The following ZNF710 variants were observed in gnomAD, a reference collection of about 807,000 sequenced individuals.
The protein encoded by ZNF710 is zinc finger protein 710.
A neutral mutation model predicts 50.6 loss-of-function variants in ZNF710; 13 were observed. The ratio of observed to expected loss-of-function variants is 0.26; its 90% confidence interval spans 0.17 to 0.41. The LOEUF is 0.41. ZNF710 is among the 10% of genes least tolerant of loss of function. The pLI, the probability that ZNF710 is intolerant of heterozygous loss-of-function variation, is 1.00. For missense variants in ZNF710, 721 were observed against 936.6 expected (o/e 0.77, Z 3.01); for synonymous variants, 383 against 397.0 (o/e 0.96, Z 0.42).
intron 1 of ZNF710, among the ~76,000 whole-genome samples, chr15:90,031,070 GAT>G (rs1898935693): frequency 6.8e-6 from 1 of 146,268 alleles, no homozygotes; most frequent in Non-Finnish European, 1.5e-5. Flanking sequence ...GTAACAAATG[GAT>G]ACCAACAAAT....
intron 1 of ZNF710, among the ~76,000 whole-genome samples, chr15:90,016,211 G>A (rs935077943): frequency 6.6e-6 from 1 of 152,066 alleles, no homozygotes; most frequent in Non-Finnish European, 1.5e-5. Context: ...GCGGAGGTGG[G>A]GAAGAAGTCT....
upstream of ZNF710, among the ~76,000 whole-genome samples, chr15:89,999,104 G>T (rs188653819): frequency 6.6e-6 from 1 of 152,158 alleles, no homozygotes; most frequent in Admixed American, 6.5e-5. Flanking sequence ...TGGGGCCTTT[G>T]GACAGACTGT....
intron 1 of ZNF710, among the ~76,000 whole-genome samples, chr15:90,014,578 A>G (rs1898400211): frequency 6.6e-6 from 1 of 152,068 alleles, no homozygotes; most frequent in Non-Finnish European, 1.5e-5. Flanking sequence ...ATGGCCATCT[A>G]AAAAACGAAC....
At chr15:90,078,356 A>G (rs1900643684) in intron 4 of ZNF710, among the ~76,000 whole-genome samples, 1 of 152,216 alleles carries the variant, frequency 6.6e-6, no homozygotes, top group Non-Finnish European at 1.5e-5. Flanking sequence ...CATGGTCACA[A>G]GATGGCTGCC....
intron 1 of ZNF710, among the ~76,000 whole-genome samples, chr15:90,036,237 C>A (rs1381256231): frequency 3.2e-5 from 4 of 125,630 alleles, no homozygotes; most frequent in Non-Finnish European, 6.5e-5. Flanking sequence ...GCCGCCCGCC[C>A]CCCACCCCCT....
chr15:90,000,091 C>T (rs138220250), upstream of ZNF710, among the ~76,000 whole-genome samples: 86 of 152,210 alleles, frequency 5.7e-4, no homozygotes, highest in African/African-American at 1.9e-3. Context: ...GGCCCGGCAT[C>T]CAGCAGGTGC....
intron 2 of ZNF710, among the ~76,000 whole-genome samples, chr15:90,072,790 C>A (rs1413601085): frequency 6.6e-6 from 1 of 152,170 alleles, no homozygotes; most frequent in African/African-American, 2.4e-5. Context: ...ATGTACACAT[C>A]CACCCTGGGG....
At chr15:90,031,407 A>T (rs1418209348) in intron 1 of ZNF710, among the ~76,000 whole-genome samples, 1 of 152,198 alleles carries the variant, frequency 6.6e-6, no homozygotes, top group African/African-American at 2.4e-5. Flanking sequence ...CAGAATCTGC[A>T]TTTTAGCAAG....
intron 1 of ZNF710, chr15:90,024,909 C>T (rs1898730378): frequency 6.6e-6 from 1 of 152,234 alleles, no homozygotes; most frequent in African/African-American, 2.4e-5. Flanking sequence ...GCCAGAGTTC[C>T]TCTGAATTCA....
intron 1 of ZNF710, among the ~76,000 whole-genome samples, chr15:90,027,372 G>A (rs959662467): frequency 2.0e-5 from 3 of 151,986 alleles, no homozygotes; most frequent in Admixed American, 2.0e-4. Flanking sequence ...CACCAACCCG[G>A]CTAATTCTTG....
chr15:90,031,293 C>T (rs1235356928), intron 1 of ZNF710, among the ~76,000 whole-genome samples: 1 of 152,138 alleles, frequency 6.6e-6, no homozygotes, highest in Non-Finnish European at 1.5e-5. Flanking sequence ...CATAGACTCT[C>T]GGGATTGAAA....
At chr15:90,078,374 G>A (rs574262570) in intron 4 of ZNF710, among the ~76,000 whole-genome samples, 11 of 152,314 alleles carry the variant, frequency 7.2e-5, no homozygotes, top group Non-Finnish European at 1.0e-4. Context: ...GCCAGTGGCC[G>A]TCAGGGTGTG....
rs945368366 is a variant in ZNF710, at chr15:90,059,908, T to C, written c.-28-7202T>C. ...AACTTCCTCTTCTCCTCCCACCTGG[T>C]TACCTGTCCCGCCCACTCCAGCTTC... On this transcript the variant is annotated intron_variant, in intron 1 of 4. Coordinates refer to ENST00000268154, the MANE Select transcript of ZNF710 (RefSeq NM_198526.4). The surrounding 1 kb of genome is among the most constrained non-coding windows in gnomAD (Gnocchi z 4.1). 5.3e-5 allele frequency among the ~76,000 whole-genome samples: 8 copies of C among 152,192 alleles called. No homozygotes were observed. Among genetic ancestry groups the C allele is most frequent in the Non-Finnish European group, 2.9e-5 (2 of 68,024 alleles).
At chr15:90,058,123 G>A (rs1016927616) in intron 1 of ZNF710, among the ~76,000 whole-genome samples, 7 of 152,148 alleles carry the variant, frequency 4.6e-5, no homozygotes, top group African/African-American at 1.7e-4. Flanking sequence ...TCAAGAGAGC[G>A]AGGGTTGTCA....
At chr15:90,002,842 A>G (rs1898048845) in intron 1 of ZNF710, among the ~76,000 whole-genome samples, 1 of 152,100 alleles carries the variant, frequency 6.6e-6, no homozygotes, top group African/African-American at 2.4e-5. Flanking sequence ...GATTTGCGAG[A>G]CGGTTAGGGC....
rs202044821 is a variant in ZNF710 at position 90,074,310 on chromosome 15, T to G, written c.1825+20T>G. On this transcript the variant is annotated intron_variant, in intron 4 of 4. Transcript: ENST00000268154. Reference sequence around the variant, plus strand: ...GCCAAGGTGGGTGGGCCAAGCGCAATGGACAGAGCAGGAATGATACCAACA... The same window carrying G: ...GCCAAGGTGGGTGGGCCAAGCGCAAGGGACAGAGCAGGAATGATACCAACA... The G allele has an allele frequency of 6.2e-7, 1 of 1,610,252 alleles. No individual in the cohort carries two copies. The highest frequency in any genetic ancestry group is 8.5e-7 in the Non-Finnish European group (1 of 1,179,968).
At chr15:90,027,843 C>G (rs1410205779) in intron 1 of ZNF710, among the ~76,000 whole-genome samples, 2 of 99,058 alleles carry the variant, frequency 2.0e-5, no homozygotes, top group Non-Finnish European at 4.2e-5. Context: ...GAGACACTGT[C>G]TCGAAAAAAA....
Position 90,030,553 on chromosome 15 carries a change from C to T in ZNF710, c.-29+28939C>T, listed in dbSNP as rs563518087. On this transcript the variant is annotated intron_variant, in intron 1 of 4. Coordinates refer to ENST00000268154, the MANE Select transcript of ZNF710 (RefSeq NM_198526.4). ...TGCTTATCATGTGCCAGGCCCTGGC[C>T]GAACACTCTGAACATGTGCGCACAG... 3.9e-5 allele frequency among the ~76,000 whole-genome samples: 6 copies of T among 151,994 alleles called. No homozygotes were observed. The East Asian group carries it at 5.8e-4, about 15-fold the overall frequency.
intron 1 of ZNF710, among the ~76,000 whole-genome samples, chr15:90,064,694 G>A (rs1454775643): frequency 6.6e-6 from 1 of 152,070 alleles, no homozygotes; most frequent in Non-Finnish European, 1.5e-5. Context: ...CACCATGTTG[G>A]CCAGGCTGGT....
Sources: gnomAD v4.1 joint callset for allele counts (sites outside exome capture counted in the v4.1 genomes callset) on GRCh38, gnomAD v4.1.1 for gene constraint, Gnocchi (gnomAD v3.1) non-coding constraint, MANE v1.5 for transcripts, NCBI Gene and HGNC (gene_info 2026-07-23, HGNC 2026-07-21) for gene names.